The following RP1 variants were observed in gnomAD, a reference collection of about 807,000 sequenced individuals.
RP1 encodes RP1 axonemal microtubule associated.
RP1 carries 16 observed loss-of-function variants against 14.8 expected under a neutral mutation model. The observed-to-expected ratio is 1.08, with a 90% confidence interval of 0.73 to 1.65. The LOEUF (loss-of-function observed/expected upper bound fraction) is 1.65, where lower values mean the gene tolerates loss of function less well. RP1 is among the 40% of genes most tolerant of loss of function. The pLI, the probability that RP1 is intolerant of heterozygous loss-of-function variation, is 0.00. For synonymous variants in RP1, 876 were observed against 883.6 expected (o/e 0.99, Z 0.15); for missense variants, 2,631 against 2,535.0 (o/e 1.04, Z -0.81).
intron 1 of RP1, among the ~76,000 whole-genome samples, chr8:54,564,218 C>G (rs1187440601): frequency 1.3e-5 from 2 of 152,122 alleles, no homozygotes; most frequent in Non-Finnish European, 2.9e-5. Flanking sequence ...GAGGCTTTCC[C>G]TCTTTGGTCA....
chr8:54,699,375 A>G (rs1339370846), intron 12 of RP1: 1 of 471,004 alleles, frequency 2.1e-6, no homozygotes, highest in East Asian at 3.4e-5. Context: ...TGAGAAGTTT[A>G]AAATATATTA....
intron 6 of RP1, among the ~76,000 whole-genome samples, chr8:54,657,703 A>G (rs115388395): frequency 4.5e-4 from 69 of 152,330 alleles, no homozygotes; most frequent in African/African-American, 1.6e-3. Context: ...TTAAGATTAT[A>G]AAAAGTAATG....
downstream of RP1, among the ~76,000 whole-genome samples, chr8:54,635,813 AG>A (rs1806336184): frequency 6.6e-6 from 1 of 152,202 alleles, no homozygotes; most frequent in Admixed American, 6.5e-5. Flanking sequence ...TCAGGAGGGA[AG>A]AGGGGAACTT....
intron 12 of RP1, among the ~76,000 whole-genome samples, chr8:54,699,226 G>A (rs1462045854): frequency 6.6e-6 from 1 of 151,658 alleles, no homozygotes; most frequent in Non-Finnish European, 1.5e-5. Context: ...AATAGGTCAT[G>A]GATCAAGGAA....
intron 19 of RP1, among the ~76,000 whole-genome samples, chr8:54,739,545 A>T (rs567251555): frequency 6.6e-6 from 1 of 152,308 alleles, no homozygotes; most frequent in Admixed American, 6.5e-5. Context: ...TAATCTGTTC[A>T]TAGAAATCTG....
chr8:54,584,286 C>T (rs201900777), intron 1 of RP1, among the ~76,000 whole-genome samples: 3 of 152,124 alleles, frequency 2.0e-5, no homozygotes, highest in South Asian at 2.1e-4. Flanking sequence ...AGCAGATTGT[C>T]CAGTTTCCAT....
At chr8:54,761,060 T>C (rs80033343) in intron 22 of RP1, among the ~76,000 whole-genome samples, 1 of 152,120 alleles carries the variant, frequency 6.6e-6, no homozygotes, top group East Asian at 1.9e-4. Flanking sequence ...AGAGGTAGAG[T>C]GTGCTTCATC....
At chr8:54,867,558 T>C (rs1812486551) in intron 28 of RP1, among the ~76,000 whole-genome samples, 1 of 152,168 alleles carries the variant, frequency 6.6e-6, no homozygotes, top group Admixed American at 6.6e-5. Flanking sequence ...TGCAGGGTTG[T>C]TTGAGGATTT....
At chr8:54,867,968 C>A (rs1812496923) in intron 28 of RP1, among the ~76,000 whole-genome samples, 1 of 152,110 alleles carries the variant, frequency 6.6e-6, no homozygotes, top group Non-Finnish European at 1.5e-5. Flanking sequence ...GGTTTTATAT[C>A]ACATCTAGAT....
At chr8:54,788,925 A>C (rs977351064) in intron 24 of RP1, among the ~76,000 whole-genome samples, 1 of 152,186 alleles carries the variant, frequency 6.6e-6, no homozygotes, top group African/African-American at 2.4e-5. Context: ...AAGTCTCATT[A>C]AAAGGGTAAG....
intron 16 of RP1, among the ~76,000 whole-genome samples, chr8:54,722,969 A>T (rs1288928390): frequency 1.3e-5 from 2 of 152,104 alleles, no homozygotes; most frequent in Non-Finnish European, 2.9e-5. Flanking sequence ...GACAGGTTCC[A>T]CCCACCAAAC....
intron 3 of RP1, among the ~76,000 whole-genome samples, chr8:54,638,299 A>G (rs529631473): frequency 2.8e-4 from 43 of 152,212 alleles, no homozygotes; most frequent in African/African-American, 9.9e-4. Flanking sequence ...TTAGCCAGGC[A>G]TGGTGTTGTG....
At chr8:54,726,533 T>C in intron 17 of RP1, 1 of 1,483,894 alleles carries the variant, frequency 6.7e-7, no homozygotes, top group Non-Finnish European at 8.9e-7. Context: ...TATTTCTTCC[T>C]GTGGCCATTG....
At chr8:54,819,333 T>G (rs1308420801) in intron 24 of RP1, among the ~76,000 whole-genome samples, 1 of 152,046 alleles carries the variant, frequency 6.6e-6, no homozygotes, top group African/African-American at 2.4e-5. Flanking sequence ...ATATCTTTGT[T>G]AAATGTCTCT....
At chr8:54,869,762 A>G (rs1473752697) in intron 28 of RP1, 8 of 495,614 alleles carry the variant, frequency 1.6e-5, no homozygotes, top group Non-Finnish European at 2.5e-5. Flanking sequence ...TTCTTTCCAT[A>G]TGTTTTTTTT....
intron 3 of RP1, 70 bp downstream of exon 3, chr8:54,622,358 A>C: frequency 7.3e-7 from 1 of 1,372,206 alleles, no homozygotes; most frequent in Non-Finnish European, 1.0e-6. Context: ...GGACGGCAAA[A>C]TCCATGCTTC....
chr8:54,713,478 A>C (rs190164366), intron 15 of RP1, among the ~76,000 whole-genome samples: 18 of 152,334 alleles, frequency 1.2e-4, no homozygotes, highest in Non-Finnish European at 2.2e-4. Context: ...ATGCACACAG[A>C]CATACCCCAC....
chr8:54,770,189 C>T, downstream of RP1: 1 of 401,622 alleles, frequency 2.5e-6, no homozygotes, highest in Non-Finnish European at 4.4e-6. Flanking sequence ...TGCCACTTTT[C>T]ATCTTTTAAT....
At chr8:54,634,107 C>A (rs1351323924), downstream of RP1, among the ~76,000 whole-genome samples, 1 of 152,044 alleles carries the variant, frequency 6.6e-6, no homozygotes, top group Non-Finnish European at 1.5e-5. Context: ...CCATTACTGC[C>A]CAGGGTTCTT....
Sources: gnomAD v4.1 joint callset for allele counts (sites outside exome capture counted in the v4.1 genomes callset) on GRCh38, gnomAD v4.1.1 for gene constraint, MANE v1.5 for transcripts, NCBI Gene and HGNC (gene_info 2026-07-23, HGNC 2026-07-21) for gene names.